The following SAMD5 variants were observed in gnomAD, a reference collection of about 807,000 sequenced individuals.
SAMD5 encodes the protein sterile alpha motif domain-containing protein 5.
In SAMD5, 13 loss-of-function variants were observed where a neutral mutation model predicts 11.3. The observed-to-expected ratio is 1.15, with a 90% CI of 0.75 to 1.83. The LOEUF (loss-of-function observed/expected upper bound fraction) is 1.83. Among genes scored for constraint, SAMD5 ranks in the 40% most tolerant of loss-of-function variants. The probability of loss-of-function intolerance (pLI) is 0.00; values close to 1 mark genes in which losing one functional copy is unlikely to be tolerated. For missense variants in SAMD5, 255 were observed against 239.1 expected, an observed-to-expected ratio of 1.07 and a Z score of -0.44; for synonymous variants, 129 against 111.3, an observed-to-expected ratio of 1.16 and a Z score of -1.00.
chr6:147,524,204 CTCT>C (rs372306814), intron 1 of SAMD5, among the ~76,000 whole-genome samples: 135 of 152,138 alleles, frequency 8.9e-4, no homozygotes, highest in African/African-American at 3.2e-3. Flanking sequence ...GACTCTTCCG[CTCT>C]TCTTCTGATC....
intron 1 of SAMD5, among the ~76,000 whole-genome samples, chr6:147,635,079 T>G (rs1790208129): frequency 6.6e-6 from 1 of 152,136 alleles, no homozygotes; most frequent in Non-Finnish European, 1.5e-5. Context: ...CATACAAAAT[T>G]TTGGCAGAGA....
chr6:147,910,264 C>T, the SAMD5 span, among the ~76,000 whole-genome samples: 610 of 152,220 alleles, frequency 4.0e-3, 3 homozygotes, highest in African/African-American at 0.013. Context: ...TACCCACCCC[C>T]AGGCCACCCA....
chr6:147,737,165 G>A lies in SAMD5; in HGVS notation c.163-152G>A, dbSNP rs572997803. ...ATACTATACATACATATATAGTAAT[G>A]TATTTTTTTATCAGGTTTTTTTATA... is the stretch of plus-strand genomic sequence containing the variant. On this transcript the variant is annotated intron_variant, in intron 1 of 1. Coordinates refer to the SAMD5 transcript ENST00000566741. Among the ~76,000 whole-genome samples, 4 of 152,122 alleles carry A rather than the reference G, an allele frequency of 2.6e-5. No individual in the cohort carries two copies. In the East Asian group the frequency reaches 7.7e-4, roughly 29 times the overall value.
chr6:147,609,910 C>G (rs1789757567), intron 1 of SAMD5, among the ~76,000 whole-genome samples: 1 of 152,150 alleles, frequency 6.6e-6, no homozygotes, highest in Non-Finnish European at 1.5e-5. Context: ...GTAAGCATTT[C>G]TATTTTTTTT....
the SAMD5 span, among the ~76,000 whole-genome samples, chr6:147,802,122 A>G: frequency 1.2e-4 from 19 of 152,340 alleles, no homozygotes; most frequent in African/African-American, 4.6e-4. Flanking sequence ...CAGGTAAGTT[A>G]CACACTGGGA....
At chr6:147,751,625 G>A in the SAMD5 span, among the ~76,000 whole-genome samples, 5 of 152,074 alleles carry the variant, frequency 3.3e-5, no homozygotes, top group African/African-American at 4.8e-5. Flanking sequence ...TTTACTTTTC[G>A]GGAATTTATA....
intron 1 of SAMD5, among the ~76,000 whole-genome samples, chr6:147,734,561 A>G (rs1359035305): frequency 6.6e-6 from 1 of 151,838 alleles, no homozygotes; most frequent in Non-Finnish European, 1.5e-5. Context: ...CTAAAAATAC[A>G]AAAAATAATC....
chr6:147,909,801 A>C, the SAMD5 span, among the ~76,000 whole-genome samples: 1 of 151,972 alleles, frequency 6.6e-6, no homozygotes, highest in South Asian at 2.1e-4. Flanking sequence ...TTTACTATCC[A>C]GCTCTTTAGA....
the SAMD5 span, among the ~76,000 whole-genome samples, chr6:147,890,368 T>C: frequency 6.6e-5 from 10 of 151,860 alleles, no homozygotes; most frequent in Admixed American, 2.6e-4. Context: ...TATCTTTTTT[T>C]TTTTTTTTGA....
chr6:147,666,395 G>A (rs572080038), intron 1 of SAMD5, among the ~76,000 whole-genome samples: 26 of 152,296 alleles, frequency 1.7e-4, no homozygotes, highest in Non-Finnish European at 3.5e-4. Context: ...TTCCCAAAAC[G>A]ACTTCATTCA....
chr6:147,571,066 G>T (rs1789129939), downstream of SAMD5, among the ~76,000 whole-genome samples: 1 of 152,148 alleles, frequency 6.6e-6, no homozygotes, highest in Non-Finnish European at 1.5e-5. Context: ...TAGCCCTTTT[G>T]TTCATAAACT....
At chr6:147,779,563 T>C in the SAMD5 span, among the ~76,000 whole-genome samples, 1 of 151,124 alleles carries the variant, frequency 6.6e-6, no homozygotes, top group Non-Finnish European at 1.5e-5. Context: ...TGGCACAATC[T>C]CGGCTCACTG....
rs540452207 is a variant in SAMD5 at position 147,685,385 on chromosome 6, G to T, written c.163-51932G>T. Among the ~76,000 whole-genome samples the T allele has an allele frequency of 7.2e-5, 11 of 152,202 alleles. No individual in the cohort carries two copies. The South Asian group carries it at 1.0e-3, about 14-fold the overall frequency. On this transcript the variant is annotated intron_variant, in intron 1 of 1. Transcript: ENST00000566741. ...GACAGGATTTCACCATGTTGCCAAG[G>T]CTGGTCTTGAACTCCTGATCTCAGG...
At chr6:147,696,493 A>G (rs9399616) in intron 1 of SAMD5, among the ~76,000 whole-genome samples, 98,406 of 151,958 alleles carry the variant, frequency 0.65, 32,030 homozygotes, top group East Asian at 0.76. Flanking sequence ...CAAGCCTGAT[A>G]GGACCAATGG....
chr6:147,582,578 C>A (rs971639810), intron 1 of SAMD5, among the ~76,000 whole-genome samples: 1 of 152,214 alleles, frequency 6.6e-6, no homozygotes, highest in African/African-American at 2.4e-5. Context: ...GGAAAGCCGA[C>A]TTGTCCAGTC....
the SAMD5 span, among the ~76,000 whole-genome samples, chr6:147,930,937 C>T: frequency 1.3e-5 from 2 of 152,218 alleles, no homozygotes; most frequent in Non-Finnish European, 2.9e-5. Context: ...TCCACTGACT[C>T]ACATGTCAGT....
At chr6:147,700,420 C>T (rs1410278010) in intron 1 of SAMD5, among the ~76,000 whole-genome samples, 2 of 152,126 alleles carry the variant, frequency 1.3e-5, no homozygotes, top group Non-Finnish European at 2.9e-5. Flanking sequence ...TTTTTCTTAT[C>T]TAAGTCCCAG....
chr6:147,587,082 A>G (rs954884109), intron 1 of SAMD5, among the ~76,000 whole-genome samples: 5 of 152,090 alleles, frequency 3.3e-5, no homozygotes, highest in Non-Finnish European at 5.9e-5. Context: ...GTATTTATTT[A>G]TTTGTGTGTT....
chr6:147,736,614 T>C (rs1041794645), intron 1 of SAMD5, among the ~76,000 whole-genome samples: 1 of 152,210 alleles, frequency 6.6e-6, no homozygotes, highest in African/African-American at 2.4e-5. Flanking sequence ...ACTATTTACA[T>C]AGACTTTCTT....
Sources: allele counts gnomAD v4.1 joint callset (sites outside exome capture counted in the v4.1 genomes callset), GRCh38; gene constraint gnomAD v4.1.1; transcripts MANE v1.5; gene names NCBI Gene and HGNC (gene_info 2026-07-23, HGNC 2026-07-21).